BCAT1: variants seen among roughly 807,000 people sequenced by gnomAD.
BCAT1 encodes branched chain amino acid transaminase 1, also known as branched-chain-amino-acid aminotransferase, cytosolic.
A neutral mutation model predicts 52.4 loss-of-function variants in BCAT1; 48 were observed. The observed-to-expected ratio is 0.92, with a 90% CI of 0.73 to 1.16. The LOEUF (loss-of-function observed/expected upper bound fraction) is 1.16, where lower values mean the gene tolerates loss of function less well. Among genes scored for constraint, BCAT1 ranks in the 50% most tolerant of loss-of-function variants. BCAT1 has a pLI of 0.00. For missense variants in BCAT1, 451 were observed against 457.1 expected, an observed-to-expected ratio of 0.99 and a Z score of 0.12; for synonymous variants, 167 against 161.3, an observed-to-expected ratio of 1.04 and a Z score of -0.27.
chr12:24,832,740 T>C lies in BCAT1; in HGVS notation c.1027A>G (p.Ile343Val). ...TACVVCPVSD[I>V]LYKGETIHIP... is the part of the protein sequence containing the mutation. ...TGTCGTACCTCGCCTTTGTACAGTA[T>C]ATCAGAAACTGGGCAAACAACACAG... The change falls in exon 9 of 11, where the codon ATA (isoleucine) becomes GTA (valine). Residue 343 changes from isoleucine (I) to valine (V), a missense_variant. Ile to Val is a conservative substitution (Grantham distance 29, BLOSUM62 3). Coordinates refer to ENST00000261192, the MANE Select transcript of BCAT1 (RefSeq NM_005504.7). The C allele has an allele frequency of 6.2e-7, 1 of 1,611,194 alleles. No individual in the cohort carries two copies. Among genetic ancestry groups the C allele is most frequent in the East Asian group, 2.2e-5 (1 of 44,816 alleles).
intron 7 of BCAT1, 76 bp downstream of exon 7, chr12:24,842,006 A>G: frequency 6.6e-7 from 1 of 1,525,502 alleles, no homozygotes; most frequent in Non-Finnish European, 9.0e-7. Context: ...CCCTTGTACT[A>G]AGTTTCTAGC....
intron 5 of BCAT1, among the ~76,000 whole-genome samples, chr12:24,878,319 A>G (rs1942402629): frequency 6.6e-6 from 1 of 152,216 alleles, no homozygotes. Flanking sequence ...ATTTCTTATT[A>G]GAAACTATAT....
chr12:24,883,754 T>C (rs1942574055), intron 3 of BCAT1, among the ~76,000 whole-genome samples: 1 of 152,174 alleles, frequency 6.6e-6, no homozygotes, highest in Non-Finnish European at 1.5e-5. Flanking sequence ...TGGGGAGTCT[T>C]GCAGAGTGCA....
At chr12:24,893,267 C>T (rs751760816) in intron 3 of BCAT1, among the ~76,000 whole-genome samples, 1 of 152,130 alleles carries the variant, frequency 6.6e-6, no homozygotes, top group African/African-American at 2.4e-5. Flanking sequence ...ACTGGGCTCT[C>T]GCTATGCACC....
At chr12:24,836,691 G>T (rs1940939131) in intron 7 of BCAT1, 95 bp from the exon 8 acceptor site, 7 of 1,095,150 alleles carry the variant, frequency 6.4e-6, no homozygotes, top group Admixed American at 2.0e-5. Flanking sequence ...TCACAATTTT[G>T]CTAGCAACAA....
chr12:24,881,348 G>C lies in BCAT1; in HGVS notation c.343C>G (p.Leu115Val). ...DNKIRLFQPN[L>V]NMDRMYRSAV... is the part of the protein sequence containing the mutation. The stretch of plus-strand genomic sequence containing the variant: ...GAGCGATACATTCTATCCATGTTGA[G>C]GTTTGGCTGAAACAGTCGAATTTTA... The change falls in exon 4 of 11, where the codon CTC (leucine) becomes GTC (valine). Residue 115 changes from leucine (L) to valine (V), a missense_variant. Physicochemically the swap from Leu to Val is conservative, Grantham distance 32. Coordinates refer to ENST00000261192, the MANE Select transcript of BCAT1 (RefSeq NM_005504.7). 5 of 1,613,476 alleles carry C rather than the reference G, an allele frequency of 3.1e-6. No individual in the cohort carries two copies. The East Asian group carries it at 8.9e-5, about 29-fold the overall frequency.
At chr12:24,866,242 C>T (rs1942002929) in intron 5 of BCAT1, among the ~76,000 whole-genome samples, 1 of 152,202 alleles carries the variant, frequency 6.6e-6, no homozygotes, top group Non-Finnish European at 1.5e-5. Context: ...GGAGGGTGCA[C>T]CGGGTCCCCC....
chr12:24,932,350 C>T (rs767976721), intron 1 of BCAT1, among the ~76,000 whole-genome samples: 8 of 152,218 alleles, frequency 5.3e-5, no homozygotes, highest in Admixed American at 3.9e-4. Context: ...GTTTCATTTG[C>T]TGTTCCATAT....
At chr12:24,822,920 A>G (rs941087330) in intron 10 of BCAT1, among the ~76,000 whole-genome samples, 1 of 152,200 alleles carries the variant, frequency 6.6e-6, no homozygotes, top group African/African-American at 2.4e-5. Flanking sequence ...GAGGGAGTAT[A>G]TAAAGTTAGG....
Position 24,816,861 on chromosome 12 carries a change from A to C in BCAT1, c.*1147T>G. 1 of 314,810 alleles carries C rather than the reference A, an allele frequency of 3.2e-6. No homozygotes were observed. The highest frequency in any genetic ancestry group is 5.8e-6 in the Non-Finnish European group (1 of 173,268). 19.5% of individuals were successfully genotyped at this position (314,810 alleles called of 1,614,324 possible). On this transcript the variant is annotated 3_prime_UTR_variant, in exon 11 of 11. Coordinates refer to ENST00000261192, the MANE Select transcript of BCAT1 (RefSeq NM_005504.7). ...AGATCCCTTGCATGCAGAGTTCACA[A>C]TAGGATTTGTGCTCCTATGAGAATC...
At chr12:24,850,296 G>C (rs532239438) in intron 5 of BCAT1, among the ~76,000 whole-genome samples, 1 of 152,248 alleles carries the variant, frequency 6.6e-6, no homozygotes, top group African/African-American at 2.4e-5. Context: ...ATTGAGAAAG[G>C]GGAGAACCTA....
intron 9 of BCAT1, among the ~76,000 whole-genome samples, chr12:24,832,133 G>T (rs1307571606): frequency 6.6e-6 from 1 of 152,084 alleles, no homozygotes; most frequent in Non-Finnish European, 1.5e-5. Context: ...AGTACTTTTG[G>T]TTAACCAGAA....
At chr12:24,924,828 C>T (rs1943555114) in intron 1 of BCAT1, among the ~76,000 whole-genome samples, 1 of 152,098 alleles carries the variant, frequency 6.6e-6, no homozygotes, top group Non-Finnish European at 1.5e-5. Context: ...CTTAGGTGTG[C>T]TATGTAGGAG....
At chr12:24,906,289 T>A (rs539021261) in intron 1 of BCAT1, among the ~76,000 whole-genome samples, 1 of 152,132 alleles carries the variant, frequency 6.6e-6, no homozygotes, top group East Asian at 1.9e-4. Flanking sequence ...TATTTGGTGA[T>A]GTTCACTAAG....
chr12:24,899,337 G>A (rs1025511835), intron 2 of BCAT1, among the ~76,000 whole-genome samples: 1 of 152,156 alleles, frequency 6.6e-6, no homozygotes, highest in East Asian at 1.9e-4. Flanking sequence ...TATGTCAAAA[G>A]CAACCACAGT....
At chr12:24,887,080 A>AATATATATAT (rs71063368) in intron 3 of BCAT1, among the ~76,000 whole-genome samples, 14 of 40,736 alleles carry the variant, frequency 3.4e-4, no homozygotes, top group South Asian at 1.2e-3. Flanking sequence ...AAAAAAAAAA[A>AATATATATAT]ATATATATAT....
chr12:24,946,224 C>A (rs1943931231), intron 1 of BCAT1, among the ~76,000 whole-genome samples: 1 of 152,150 alleles, frequency 6.6e-6, no homozygotes, highest in Non-Finnish European at 1.5e-5. Flanking sequence ...GTTAATAACA[C>A]CACTATCAGT....
chr12:24,912,241 G>A (rs527853741), intron 1 of BCAT1, among the ~76,000 whole-genome samples: 434 of 152,260 alleles, frequency 2.9e-3, no homozygotes, highest in Non-Finnish European at 4.9e-3. Context: ...AGGGCTGGGC[G>A]CAGTGGCTCA....
chr12:24,831,029 T>G (rs1256178319), intron 9 of BCAT1, among the ~76,000 whole-genome samples: 1 of 152,160 alleles, frequency 6.6e-6, no homozygotes, highest in East Asian at 1.9e-4. Context: ...AACACGGGTT[T>G]GAACTACACA....
Sources: allele counts gnomAD v4.1 joint callset (sites outside exome capture counted in the v4.1 genomes callset), GRCh38; gene constraint gnomAD v4.1.1; transcripts MANE v1.5; gene names NCBI Gene and HGNC (gene_info 2026-07-23, HGNC 2026-07-21).